Variants in RPS6KC1 observed in about 807,000 individuals in gnomAD.
The protein encoded by RPS6KC1 is inactive ribosomal protein S6 kinase delta-1.
Under a neutral mutation model 103.8 loss-of-function variants are expected in RPS6KC1, and 54 were observed. The observed-to-expected ratio is 0.52, with a 90% CI of 0.42 to 0.65. RPS6KC1 has a LOEUF of 0.65. RPS6KC1 is among the 30% of genes least tolerant of loss of function. The pLI is 0.00. For synonymous variants in RPS6KC1, 439 were observed against 438.7 expected, an observed-to-expected ratio of 1.00 and a Z score of -0.01; for missense variants, 1,151 against 1,253.8, an observed-to-expected ratio of 0.92 and a Z score of 1.24.
the RPS6KC1 span, among the ~76,000 whole-genome samples, chr1:213,774,708 C>A: frequency 3.3e-5 from 5 of 152,134 alleles, no homozygotes; most frequent in East Asian, 9.6e-4. Context: ...CCCTTTTATG[C>A]TTTGCTTGGG....
At chr1:213,313,417 T>G in the RPS6KC1 span, among the ~76,000 whole-genome samples, 1 of 152,048 alleles carries the variant, frequency 6.6e-6, no homozygotes, top group African/African-American at 2.4e-5. Flanking sequence ...TACTCCTTCC[T>G]GAAGCCATAT....
chr1:213,843,013 G>C, the RPS6KC1 span, among the ~76,000 whole-genome samples: 2 of 152,178 alleles, frequency 1.3e-5, no homozygotes, highest in African/African-American at 4.8e-5. Context: ...CAAATCAGTA[G>C]AGGACAAGAG....
intron 6 of RPS6KC1, among the ~76,000 whole-genome samples, chr1:213,151,849 C>T (rs2089040312): frequency 8.2e-6 from 1 of 121,330 alleles, no homozygotes; most frequent in Non-Finnish European, 1.8e-5. Context: ...CCACCTCCCT[C>T]CCGGACGGGG....
chr1:213,567,526 C>T, the RPS6KC1 span, among the ~76,000 whole-genome samples: 1 of 152,182 alleles, frequency 6.6e-6, no homozygotes, highest in East Asian at 1.9e-4. Context: ...GGAAATTTCT[C>T]TCACTTTCCA....
chr1:213,491,427 G>C, the RPS6KC1 span, among the ~76,000 whole-genome samples: 1 of 152,082 alleles, frequency 6.6e-6, no homozygotes, highest in South Asian at 2.1e-4. Context: ...GTATACCTGT[G>C]ATCCCAGCTA....
chr1:213,666,091 C>A, the RPS6KC1 span, among the ~76,000 whole-genome samples: 7 of 152,252 alleles, frequency 4.6e-5, no homozygotes, highest in Non-Finnish European at 8.8e-5. Flanking sequence ...GGGAGGGTAG[C>A]AGCAGATTGT....
chr1:213,261,654 T>A lies in RPS6KC1; in HGVS notation c.2994+14T>A. On this transcript the variant is annotated intron_variant, in intron 13 of 14. Coordinates refer to ENST00000366960, the MANE Select transcript of RPS6KC1 (RefSeq NM_012424.6). ...CTCACTGGCAAGGTAAGCAGTGGCC[T>A]GGACGTTTAATAAATTTACTCAGAT... The A allele has an allele frequency of 6.2e-7, 1 of 1,606,032 alleles. No homozygotes were observed. Among genetic ancestry groups the A allele is most frequent in the South Asian group, 1.1e-5 (1 of 90,834 alleles).
the RPS6KC1 span, among the ~76,000 whole-genome samples, chr1:213,770,319 C>G: frequency 6.6e-6 from 1 of 152,142 alleles, no homozygotes; most frequent in African/African-American, 2.4e-5. Flanking sequence ...CCTGTAGATA[C>G]TGGAACTTGT....
chr1:213,726,888 C>T, the RPS6KC1 span, among the ~76,000 whole-genome samples: 1 of 152,246 alleles, frequency 6.6e-6, no homozygotes, highest in Admixed American at 6.5e-5. Context: ...TGATGTGCTG[C>T]AAATAAACCC....
At chr1:213,657,942 A>G in the RPS6KC1 span, among the ~76,000 whole-genome samples, 3 of 152,214 alleles carry the variant, frequency 2.0e-5, no homozygotes, top group Non-Finnish European at 2.9e-5. Context: ...GGTAGAGTGG[A>G]CATACTGTAT....
the RPS6KC1 span, among the ~76,000 whole-genome samples, chr1:213,345,160 G>C: frequency 6.6e-6 from 1 of 152,066 alleles, no homozygotes; most frequent in East Asian, 1.9e-4. Context: ...GAATAAATTA[G>C]TTTATTGAAA....
At chr1:213,201,608 G>A (rs778031798) in intron 8 of RPS6KC1, among the ~76,000 whole-genome samples, 40 of 152,326 alleles carry the variant, frequency 2.6e-4, no homozygotes, top group South Asian at 1.4e-3. Flanking sequence ...AGTCATTGGT[G>A]TAGGTTCATC....
rs138077226 is a variant in RPS6KC1 at position 213,172,177 on chromosome 1, G to T, written c.951+4204G>T. ...ATCAGGTGGTGCACATAAAATTTAA[G>T]AAGTACTGCACCAACAGATTGGGAA... On this transcript the variant is annotated intron_variant, in intron 7 of 14. Transcript: ENST00000366960. Among the ~76,000 whole-genome samples, 561 of 152,236 alleles carry T rather than the reference G, an allele frequency of 3.7e-3. 4 individuals carry two copies. Among genetic ancestry groups the T allele is most frequent in the African/African-American group, 0.011 (476 of 41,552 alleles).
the RPS6KC1 span, among the ~76,000 whole-genome samples, chr1:213,678,802 C>G: frequency 6.6e-6 from 1 of 152,148 alleles, no homozygotes; most frequent in Non-Finnish European, 1.5e-5. Flanking sequence ...TTGGGAGTCA[C>G]GCTGACTAAA....
At chr1:213,406,629 C>T in the RPS6KC1 span, among the ~76,000 whole-genome samples, 3 of 152,112 alleles carry the variant, frequency 2.0e-5, no homozygotes, top group South Asian at 2.1e-4. Flanking sequence ...AATCACAACT[C>T]TTCTAATGGA....
chr1:213,063,878 C>T (rs1019991609), intron 1 of RPS6KC1, among the ~76,000 whole-genome samples: 5 of 151,858 alleles, frequency 3.3e-5, no homozygotes, highest in African/African-American at 1.2e-4. Context: ...TTTTGTGAAG[C>T]ACTGCTGTAG....
the RPS6KC1 span, among the ~76,000 whole-genome samples, chr1:213,861,621 G>A: frequency 2.8e-4 from 42 of 152,322 alleles, no homozygotes; most frequent in South Asian, 8.3e-3. Context: ...CTGCAGATGT[G>A]CACAGTTTAC....
chr1:213,175,491 C>T (rs902582142), intron 7 of RPS6KC1, among the ~76,000 whole-genome samples: 1 of 152,216 alleles, frequency 6.6e-6, no homozygotes, highest in Non-Finnish European at 1.5e-5. Flanking sequence ...TTGTCCTTTG[C>T]AGCATCACCA....
the RPS6KC1 span, among the ~76,000 whole-genome samples, chr1:213,846,128 T>TA: frequency 0.059 from 4,866 of 82,782 alleles, 127 homozygotes; most frequent in Middle Eastern, 0.082. Context: ...CCGTCTCAAC[T>TA]AAAAAAAAAA....
Sources: gnomAD v4.1 joint callset for allele counts (sites outside exome capture counted in the v4.1 genomes callset) on GRCh38, gnomAD v4.1.1 for gene constraint, MANE v1.5 for transcripts, NCBI Gene and HGNC (gene_info 2026-07-23, HGNC 2026-07-21) for gene names.